The following CELSR1 variants were observed in gnomAD, a reference collection of about 807,000 sequenced individuals.
CELSR1 encodes adhesion G protein-coupled receptor C1.
In CELSR1, 110 loss-of-function variants were observed where a neutral mutation model predicts 249.1. The ratio of observed to expected loss-of-function variants is 0.44; its 90% CI spans 0.38 to 0.52. The LOEUF is 0.52. CELSR1 is among the 20% of genes least tolerant of loss of function. CELSR1 has a pLI of 0.00. For synonymous variants in CELSR1, 2,113 were observed against 1,900.0 expected, an observed-to-expected ratio of 1.11 and a Z score of -2.92; for missense variants, 4,109 against 4,296.4, an observed-to-expected ratio of 0.96 and a Z score of 1.22.
At chr22:46,457,033 A>T (rs4823548) in intron 2 of CELSR1, among the ~76,000 whole-genome samples, 12 of 152,070 alleles carry the variant, frequency 7.9e-5, no homozygotes, top group East Asian at 1.9e-4. Flanking sequence ...AACCAAGCTA[A>T]GGCCCCAGCT....
chr22:46,470,025 TG>T (rs1215691470), intron 1 of CELSR1, among the ~76,000 whole-genome samples: 2 of 38,836 alleles, frequency 5.1e-5, no homozygotes, highest in East Asian at 1.5e-3. Flanking sequence ...CAGAGAAGTA[TG>T]GTGTCACTTT....
rs1341986951 is a variant in CELSR1 at position 46,437,709 on chromosome 22, C to T, written c.4407-1420G>A. On this transcript the variant is annotated intron_variant, in intron 3 of 34. Transcript: ENST00000674500. The surrounding 1 kb of genome is among the most constrained non-coding windows in gnomAD (Gnocchi z 4.9). Reference sequence around the variant, plus strand: ...GAAGTTGCAGTGAGCCGAGATCATACCACCACTGCACTCCAGCCTGGCAAC... The same window carrying T: ...GAAGTTGCAGTGAGCCGAGATCATATCACCACTGCACTCCAGCCTGGCAAC... 6.6e-6 allele frequency among the ~76,000 whole-genome samples: 1 copy of T among 151,122 alleles called. No homozygotes were observed. Among genetic ancestry groups the T allele is most frequent in the African/African-American group, 2.4e-5 (1 of 40,912 alleles).
intron 5 of CELSR1, among the ~76,000 whole-genome samples, chr22:46,432,813 G>C (rs1017926093): frequency 6.6e-6 from 1 of 152,092 alleles, no homozygotes; most frequent in African/African-American, 2.4e-5. Flanking sequence ...AGCCCTTTCT[G>C]TGTCCCTCCC....
intron 3 of CELSR1, among the ~76,000 whole-genome samples, chr22:46,438,973 G>T (rs2079701669): frequency 6.6e-6 from 1 of 152,124 alleles, no homozygotes; most frequent in Admixed American, 6.6e-5. Flanking sequence ...GACTAGGCTG[G>T]TCTCAAACTC....
intron 2 of CELSR1, among the ~76,000 whole-genome samples, chr22:46,459,941 T>C (rs2080001592): frequency 6.6e-6 from 1 of 152,146 alleles, no homozygotes; most frequent in South Asian, 2.1e-4. Context: ...GCGTAGTGGC[T>C]CACGCCTGTA....
intron 1 of CELSR1, among the ~76,000 whole-genome samples, chr22:46,516,330 C>A (rs1358860643): frequency 6.6e-6 from 1 of 152,122 alleles, no homozygotes; most frequent in African/African-American, 2.4e-5. Flanking sequence ...AGCTGGAAAC[C>A]ATCATTCTCA....
intron 17 of CELSR1, among the ~76,000 whole-genome samples, chr22:46,389,938 T>G (rs953540302): frequency 7.9e-5 from 12 of 151,508 alleles, no homozygotes; most frequent in African/African-American, 2.9e-4. Flanking sequence ...GGAGATAGAG[T>G]GAGACTCCAT....
intron 1 of CELSR1, among the ~76,000 whole-genome samples, chr22:46,515,517 C>T (rs111338538): frequency 5.9e-5 from 9 of 152,320 alleles, no homozygotes; most frequent in African/African-American, 1.9e-4. Context: ...GAAGTCAGCT[C>T]TGGGAGGGCT....
At chr22:46,389,905 C>A (rs1240176769) in intron 17 of CELSR1, among the ~76,000 whole-genome samples, 1 of 152,012 alleles carries the variant, frequency 6.6e-6, no homozygotes, top group African/African-American at 2.4e-5. Flanking sequence ...CAAGCTGAGA[C>A]CGTGCCACTG....
Position 46,527,324 on chromosome 22 carries a change from C to T in CELSR1, c.3544+6303G>A, listed in dbSNP as rs2080748084. 6.6e-6 allele frequency among the ~76,000 whole-genome samples: 1 copy of T among 152,208 alleles called. No individual in the cohort carries two copies. The highest frequency in any genetic ancestry group is 2.4e-5 in the African/African-American group (1 of 41,446). Reference sequence around the variant, plus strand: ...GCTTCCCTCCCCTCCACTCTCACCGCCCAGCAGCTGGGACATGGGACCCAG... The same window carrying T: ...GCTTCCCTCCCCTCCACTCTCACCGTCCAGCAGCTGGGACATGGGACCCAG... On this transcript the variant is annotated intron_variant, in intron 1 of 34. Coordinates refer to ENST00000674500, the MANE Select transcript of CELSR1 (RefSeq NM_001378328.1). The surrounding 1 kb of genome is among the most constrained non-coding windows in gnomAD (Gnocchi z 5.5).
intron 1 of CELSR1, among the ~76,000 whole-genome samples, 194 bp downstream of exon 1, chr22:46,533,433 G>A (rs562126427): frequency 2.5e-4 from 38 of 152,376 alleles, no homozygotes; most frequent in Non-Finnish European, 3.5e-4. Context: ...GAAGCGGCGC[G>A]GTGCCTCTCC....
At chr22:46,405,459 C>CAAAAA (rs869105580) in intron 9 of CELSR1, among the ~76,000 whole-genome samples, 1 of 84,848 alleles carries the variant, frequency 1.2e-5, no homozygotes, top group Non-Finnish European at 2.8e-5. Context: ...GACTCCGTCT[C>CAAAAA]AAAAAAAAAA....
At position 46,535,143 on chromosome 22, in the gene CELSR1, C is replaced by T. The variant is rs1232851582; in HGVS notation, c.2028G>A (p.Thr676=). Residue 676 remains threonine, a synonymous_variant, in exon 1 of 35, where the codon ACG becomes ACA. Transcript: ENST00000674500. ...PMSSSTSVSI[T]VLDVNDNDPV... ...GGTCGTTGTCATTCACGTCCAGCAC[C>T]GTGATGGACACGCTGGTGGAGGAGC... 2.5e-6 allele frequency: 4 copies of T among 1,610,322 alleles called. No homozygotes were observed. Among genetic ancestry groups the T allele is most frequent in the Non-Finnish European group, 3.4e-6 (4 of 1,179,650 alleles).
At chr22:46,435,221 G>A (rs1219637615) in intron 4 of CELSR1, among the ~76,000 whole-genome samples, 1 of 147,720 alleles carries the variant, frequency 6.8e-6, no homozygotes, top group African/African-American at 2.5e-5. Flanking sequence ...CAAAGTGCTA[G>A]GATTACAGGC....
At chr22:46,531,015 C>T (rs1448013582) in intron 1 of CELSR1, among the ~76,000 whole-genome samples, 1 of 152,166 alleles carries the variant, frequency 6.6e-6, no homozygotes, top group African/African-American at 2.4e-5. Context: ...ACCGCTTCCC[C>T]GCATTGTTCC....
intron 2 of CELSR1, among the ~76,000 whole-genome samples, chr22:46,444,759 A>G (rs1174855259): frequency 6.6e-6 from 1 of 152,188 alleles, no homozygotes; most frequent in African/African-American, 2.4e-5. Flanking sequence ...TCAAGGTATC[A>G]GCAGGGCCCA....
rs376468837 is a variant in CELSR1 at position 46,398,911 on chromosome 22, C to G, written c.5413-274G>C. ...GGGTCAACGTGGGCAACTGTCCCGC[C>G]TCCGTCAAGGGCACAACACTAAACC... On this transcript the variant is annotated intron_variant, in intron 10 of 34. Coordinates refer to ENST00000674500, the MANE Select transcript of CELSR1 (RefSeq NM_001378328.1). This position sits in a 1 kb window ranked among gnomAD's most constrained non-coding sequence, Gnocchi z 7.2. Among the ~76,000 whole-genome samples, 34 of 152,326 alleles carry G rather than the reference C, an allele frequency of 2.2e-4. No homozygotes were observed. The Middle Eastern group carries it at 0.017, about 76-fold the overall frequency.
At chr22:46,371,574 A>G (rs903238294) in intron 25 of CELSR1, among the ~76,000 whole-genome samples, 1 of 151,262 alleles carries the variant, frequency 6.6e-6, no homozygotes, top group African/African-American at 2.4e-5. Flanking sequence ...CACTGCACCC[A>G]CCCATCCATT....
intron 1 of CELSR1, among the ~76,000 whole-genome samples, chr22:46,511,731 G>T (rs891643956): frequency 6.6e-6 from 1 of 152,174 alleles, no homozygotes; most frequent in African/African-American, 2.4e-5. Context: ...CAACAGTGGG[G>T]AAGGCAGGGA....
Sources: allele counts gnomAD v4.1 joint callset (sites outside exome capture counted in the v4.1 genomes callset), GRCh38; gene constraint gnomAD v4.1.1; non-coding constraint Gnocchi (gnomAD v3.1); transcripts MANE v1.5; gene names NCBI Gene and HGNC (gene_info 2026-07-23, HGNC 2026-07-21).